Variants in GRIK1 observed in about 807,000 individuals in gnomAD.
GRIK1 encodes glutamate ionotropic receptor kainate type subunit 1.
Under a neutral mutation model 105.7 loss-of-function variants are expected in GRIK1, and 69 were observed. The observed-to-expected ratio is 0.65, with a 90% confidence interval of 0.54 to 0.80. The LOEUF (loss-of-function observed/expected upper bound fraction) is 0.80, where lower values mean the gene tolerates loss of function less well. GRIK1 is among the 30% of genes least tolerant of loss of function. The pLI is 0.00. For synonymous variants in GRIK1, 438 were observed against 431.3 expected (o/e 1.02, Z -0.19); for missense variants, 1,109 against 1,167.3 (o/e 0.95, Z 0.73).
intron 1 of GRIK1, among the ~76,000 whole-genome samples, chr21:29,698,269 C>T (rs2063749122): frequency 6.6e-6 from 1 of 152,122 alleles, no homozygotes; most frequent in Non-Finnish European, 1.5e-5. Context: ...TTGAGCTTAG[C>T]TGACTTCTAC....
intron 1 of GRIK1, among the ~76,000 whole-genome samples, chr21:29,895,296 C>A (rs960239537): frequency 6.6e-6 from 1 of 152,086 alleles, no homozygotes; most frequent in Admixed American, 6.5e-5. Context: ...TCTAGTTCAA[C>A]GAACCTGCGG....
chr21:29,828,007 C>CTCTCTCTG (rs1555894937), intron 1 of GRIK1, among the ~76,000 whole-genome samples: 4 of 124,126 alleles, frequency 3.2e-5, no homozygotes, highest in African/African-American at 9.6e-5. Flanking sequence ...CTCTCTGTCT[C>CTCTCTCTG]TCTCTGTGTG....
intron 1 of GRIK1, among the ~76,000 whole-genome samples, chr21:29,854,901 C>T (rs576365223): frequency 3.3e-5 from 5 of 152,116 alleles, no homozygotes; most frequent in East Asian, 1.9e-4. Flanking sequence ...TGTGAAGTTG[C>T]GAATGGTTTA....
intron 1 of GRIK1, among the ~76,000 whole-genome samples, chr21:29,900,207 T>C (rs1275534799): frequency 2.0e-5 from 3 of 152,046 alleles, no homozygotes; most frequent in Middle Eastern, 3.4e-3. Flanking sequence ...ATCAATGCTA[T>C]GAAGAAACTG....
chr21:29,677,912 C>A lies in GRIK1; in HGVS notation c.545-4748G>T, dbSNP rs180695082. On this transcript the variant is annotated intron_variant, in intron 3 of 17. Coordinates refer to ENST00000327783, the MANE Select transcript of GRIK1 (RefSeq NM_001330994.2). ...TACACAGCCACTGCTGAACACCTCT[C>A]AGTGTGAGAAATTCTCTACCTTACA... is the stretch of plus-strand genomic sequence containing the variant. 2.9e-3 allele frequency among the ~76,000 whole-genome samples: 447 copies of A among 152,324 alleles called. 2 individuals are homozygous for A. The highest frequency in any genetic ancestry group is 8.1e-3 in the South Asian group (39 of 4,824).
intron 14 of GRIK1, among the ~76,000 whole-genome samples, chr21:29,562,452 T>A (rs1255499535): frequency 6.6e-6 from 1 of 152,180 alleles, no homozygotes; most frequent in African/African-American, 2.4e-5. Context: ...GGTTAGGAGT[T>A]CGAGACCAGC....
At chr21:29,908,965 A>G (rs557224979) in intron 1 of GRIK1, among the ~76,000 whole-genome samples, 1 of 152,328 alleles carries the variant, frequency 6.6e-6, no homozygotes, top group Admixed American at 6.5e-5. Flanking sequence ...ATATGAACAA[A>G]CTAAGTAAAC....
chr21:29,834,327 A>T (rs538573743), intron 1 of GRIK1, among the ~76,000 whole-genome samples: 40 of 148,500 alleles, frequency 2.7e-4, no homozygotes, highest in Non-Finnish European at 3.9e-4. Flanking sequence ...TATATATAAA[A>T]ATATATATAT....
At chr21:29,865,551 C>T (rs1159867184) in intron 1 of GRIK1, among the ~76,000 whole-genome samples, 3 of 152,100 alleles carry the variant, frequency 2.0e-5, no homozygotes, top group Non-Finnish European at 4.4e-5. Flanking sequence ...ACAATGAAGA[C>T]AAGCAGATTT....
intron 1 of GRIK1, among the ~76,000 whole-genome samples, chr21:29,767,240 G>A (rs980771405): frequency 2.6e-5 from 4 of 152,172 alleles, no homozygotes; most frequent in African/African-American, 9.7e-5. Context: ...GACAATGTGT[G>A]TGTTTTAAAA....
intron 1 of GRIK1, among the ~76,000 whole-genome samples, chr21:29,785,599 C>T (rs1369369909): frequency 1.3e-5 from 2 of 149,680 alleles, no homozygotes; most frequent in African/African-American, 2.5e-5. Context: ...CCGAAAAACC[C>T]ATTACTTCAT....
intron 16 of GRIK1, among the ~76,000 whole-genome samples, chr21:29,541,878 TA>T (rs2089978692): frequency 6.6e-6 from 1 of 152,104 alleles, no homozygotes; most frequent in African/African-American, 2.4e-5. Context: ...CCCGGCAATT[TA>T]AAAATTCCAT....
At chr21:29,581,768 C>G (rs553685884) in intron 12 of GRIK1, among the ~76,000 whole-genome samples, 1 of 152,280 alleles carries the variant, frequency 6.6e-6, no homozygotes, top group South Asian at 2.1e-4. Flanking sequence ...GCAAATTGGT[C>G]AGCTGGAATT....
chr21:29,579,086 CAT>C (rs2090959717), intron 13 of GRIK1, among the ~76,000 whole-genome samples: 2 of 152,008 alleles, frequency 1.3e-5, no homozygotes, highest in African/African-American at 4.8e-5. Flanking sequence ...AGGCTGTTGA[CAT>C]GTAATAATAC....
At chr21:29,784,439 T>A (rs562239940) in intron 1 of GRIK1, among the ~76,000 whole-genome samples, 1 of 152,232 alleles carries the variant, frequency 6.6e-6, no homozygotes, top group African/African-American at 2.4e-5. Flanking sequence ...GGGATCAGAA[T>A]GACAACCCTC....
intron 1 of GRIK1, among the ~76,000 whole-genome samples, chr21:29,920,177 A>G (rs1001242738): frequency 3.9e-5 from 6 of 152,178 alleles, no homozygotes; most frequent in Admixed American, 3.9e-4. Flanking sequence ...TATTTCTTCA[A>G]AGAGAAGTTT....
intron 1 of GRIK1, among the ~76,000 whole-genome samples, chr21:29,903,623 C>G (rs982205352): frequency 6.6e-6 from 1 of 152,114 alleles, no homozygotes. Context: ...ATTAAAAAGT[C>G]AGGAAACAAC....
intron 1 of GRIK1, among the ~76,000 whole-genome samples, chr21:29,841,260 A>T (rs1357598403): frequency 6.6e-6 from 1 of 152,204 alleles, no homozygotes; most frequent in Non-Finnish European, 1.5e-5. Flanking sequence ...AAAATAAGCC[A>T]AGTTAAGCAA....
intron 1 of GRIK1, among the ~76,000 whole-genome samples, chr21:29,927,473 TTAA>T (rs755302905): frequency 3.3e-5 from 5 of 150,318 alleles, no homozygotes; most frequent in African/African-American, 7.3e-5. Flanking sequence ...ATAAATATGC[TTAA>T]TAATATGTAT....
Sources: allele counts gnomAD v4.1 joint callset (sites outside exome capture counted in the v4.1 genomes callset), GRCh38; gene constraint gnomAD v4.1.1; transcripts MANE v1.5; gene names NCBI Gene and HGNC (gene_info 2026-07-23, HGNC 2026-07-21).